Variants in CAMTA1 observed in about 807,000 individuals in gnomAD.
CAMTA1 encodes the protein calmodulin binding transcription activator 1, also known as calmodulin-binding transcription activator 1.
Under a neutral mutation model 170.9 loss-of-function variants are expected in CAMTA1, and 27 were observed. The ratio of observed to expected loss-of-function variants is 0.16; its 90% CI spans 0.12 to 0.22. CAMTA1 has a LOEUF of 0.22. Among genes scored for constraint, CAMTA1 ranks in the 10% least tolerant of loss-of-function variants. CAMTA1 has a pLI of 1.00. For synonymous variants in CAMTA1, 833 were observed against 891.5 expected (o/e 0.93, Z 1.17); for missense variants, 1,619 against 2,217.2 (o/e 0.73, Z 5.42).
chr1:7,541,776 T>C (rs11120964), intron 6 of CAMTA1, among the ~76,000 whole-genome samples: 59,638 of 152,006 alleles, frequency 0.39, 11,796 homozygotes, highest in African/African-American at 0.42. Flanking sequence ...ACCAGGGTGG[T>C]CACCCACAGG....
intron 6 of CAMTA1, among the ~76,000 whole-genome samples, chr1:7,531,420 C>T (rs2094491395): frequency 6.6e-6 from 1 of 152,298 alleles, no homozygotes; most frequent in South Asian, 2.1e-4. Flanking sequence ...CTGCTGAGTG[C>T]TTTGCCAGGC....
intron 11 of CAMTA1, among the ~76,000 whole-genome samples, chr1:7,710,725 C>A (rs1049742891): frequency 6.6e-6 from 1 of 151,932 alleles, no homozygotes; most frequent in African/African-American, 2.4e-5. Context: ...TGCCCCCACC[C>A]CACTCTCCTC....
rs549419840 is a variant in CAMTA1 at position 7,192,953 on chromosome 1, G to A, written c.303-56538G>A. Among the ~76,000 whole-genome samples the A allele has an allele frequency of 2.0e-5, 3 of 152,292 alleles. No homozygotes were observed. In the East Asian group the frequency reaches 5.8e-4, roughly 29 times the overall value. ...TCACTCCTTGGCTTCATTATGCAGAGAGCTTGTAGCCAGGTGGCACTGGGC... is the reference window on the plus strand; with the variant it reads ...TCACTCCTTGGCTTCATTATGCAGAAAGCTTGTAGCCAGGTGGCACTGGGC... On this transcript the variant is annotated intron_variant, in intron 4 of 22. Coordinates refer to ENST00000303635, the MANE Select transcript of CAMTA1 (RefSeq NM_015215.4).
intron 6 of CAMTA1, among the ~76,000 whole-genome samples, chr1:7,614,625 A>T (rs79257815): frequency 1.3e-5 from 2 of 152,062 alleles, no homozygotes; most frequent in Non-Finnish European, 2.9e-5. Context: ...CTCACTTGGG[A>T]ATGTTTATGG....
intron 1 of CAMTA1, chr1:6,807,127 C>A: frequency 5.6e-6 from 3 of 533,616 alleles, no homozygotes; most frequent in South Asian, 5.1e-5. Flanking sequence ...GACTAATCTG[C>A]AAGGTTGGGG....
Position 6,971,123 on chromosome 1 carries a change from C to A in CAMTA1, c.235-120181C>A, listed in dbSNP as rs1279908742. On this transcript the variant is annotated intron_variant, in intron 3 of 22. Coordinates refer to ENST00000303635, the MANE Select transcript of CAMTA1 (RefSeq NM_015215.4). The surrounding 1 kb of genome is among the most constrained non-coding windows in gnomAD (Gnocchi z 4.6). ...TTGTGGTCCTAGGAGTGTCAGTGAG[C>A]ACAAAGCAGACACAGAAGAAACCTT... Among the ~76,000 whole-genome samples, 1 of 152,162 alleles carries A rather than the reference C, an allele frequency of 6.6e-6. No homozygotes were observed. Among genetic ancestry groups the A allele is most frequent in the Admixed American group, 6.5e-5 (1 of 15,280 alleles).
At chr1:7,128,805 C>T (rs1365060439) in intron 4 of CAMTA1, among the ~76,000 whole-genome samples, 1 of 147,402 alleles carries the variant, frequency 6.8e-6, no homozygotes, top group Non-Finnish European at 1.5e-5. Flanking sequence ...CAGGCGTGTG[C>T]CACCACACCC....
chr1:6,999,438 C>G (rs141520948), intron 3 of CAMTA1, among the ~76,000 whole-genome samples: 1 of 152,258 alleles, frequency 6.6e-6, no homozygotes, highest in South Asian at 2.1e-4. Context: ...GGCTGGAGTG[C>G]GGTGGTGCCA....
At chr1:6,924,316 G>A (rs1682644671) in intron 3 of CAMTA1, among the ~76,000 whole-genome samples, 1 of 149,320 alleles carries the variant, frequency 6.7e-6, no homozygotes, top group African/African-American at 2.4e-5. Flanking sequence ...GCTGGGAGGG[G>A]ATCAGGCCAG....
chr1:7,751,190 C>T lies in CAMTA1; in HGVS notation c.4690-9C>T. ...GTTACTGTGTCGCTTGTTCTTGTTT[C>T]CCCTGCAGTACGCACTTTATAAAAA... is the stretch of plus-strand genomic sequence containing the variant. On this transcript the variant is annotated splice_polypyrimidine_tract_variant and intron_variant, in intron 19 of 22. Coordinates refer to ENST00000303635, the MANE Select transcript of CAMTA1 (RefSeq NM_015215.4). 1 of 1,563,916 alleles carries T rather than the reference C, an allele frequency of 6.4e-7. No individual in the cohort carries two copies.
At chr1:6,927,467 A>G (rs1485149576) in intron 3 of CAMTA1, among the ~76,000 whole-genome samples, 1 of 152,262 alleles carries the variant, frequency 6.6e-6, no homozygotes, top group Non-Finnish European at 1.5e-5. Flanking sequence ...TATAATGCAC[A>G]TAATTTTAAA....
chr1:7,595,114 G>T (rs1272000901), intron 6 of CAMTA1, among the ~76,000 whole-genome samples: 1 of 152,182 alleles, frequency 6.6e-6, no homozygotes, highest in African/African-American at 2.4e-5. Context: ...CTAAGAAGAG[G>T]GGTCTTTCAG....
chr1:7,023,293 T>C (rs1701618423), intron 3 of CAMTA1, among the ~76,000 whole-genome samples: 1 of 152,256 alleles, frequency 6.6e-6, no homozygotes, highest in African/African-American at 2.4e-5. Flanking sequence ...CTGTGTCAGA[T>C]GTAAGCGTAA....
At position 7,091,090 on chromosome 1, in the gene CAMTA1, C is replaced by G. The variant is rs55942819; in HGVS notation, c.235-214C>G. Among the ~76,000 whole-genome samples, 1,095 of 152,062 alleles carry G rather than the reference C, an allele frequency of 7.2e-3. 8 individuals carry two copies. The highest frequency in any genetic ancestry group is 9.1e-3 in the Non-Finnish European group (620 of 67,984). On this transcript the variant is annotated intron_variant, in intron 3 of 22. Transcript: ENST00000303635. Reference sequence around the variant, plus strand: ...TTGCCACCGACTCATCTTTTGAGGCCCAGTGCTTTGATTACTACCGTGTGA... The same window carrying G: ...TTGCCACCGACTCATCTTTTGAGGCGCAGTGCTTTGATTACTACCGTGTGA...
rs745494454 is a variant in CAMTA1, at chr1:7,664,881, C to T, written c.2334C>T (p.Asn778=). ...SFSNQFSDLI[N]DFISVEGGSS... ...GCAACCAGTTCTCCGACCTGATCAACGACTTCATCTCCGTGGAGGGGGGCA... is the reference window on the plus strand; with the variant it reads ...GCAACCAGTTCTCCGACCTGATCAATGACTTCATCTCCGTGGAGGGGGGCA... Residue 778 remains asparagine (N), a synonymous_variant, in exon 9 of 23, where the codon AAC becomes AAT. Coordinates refer to ENST00000303635, the MANE Select transcript of CAMTA1 (RefSeq NM_015215.4). 10 of 1,613,238 alleles carry T rather than the reference C, an allele frequency of 6.2e-6. No homozygotes were observed. The highest frequency in any genetic ancestry group is 3.3e-5 in the South Asian group (3 of 91,086).
Position 7,170,681 on chromosome 1 carries a change from A to G in CAMTA1, c.303-78810A>G, listed in dbSNP as rs532918112. 2.0e-5 allele frequency among the ~76,000 whole-genome samples: 3 copies of G among 152,286 alleles called. No homozygotes were observed. The East Asian group carries it at 5.8e-4, about 29-fold the overall frequency. ...ATGGCTGCGTAGTATTCCATGGTGTATATGTGCCACATTTTCTTTATCCAG... is the reference window on the plus strand; with the variant it reads ...ATGGCTGCGTAGTATTCCATGGTGTGTATGTGCCACATTTTCTTTATCCAG... On this transcript the variant is annotated intron_variant, in intron 4 of 22. Coordinates refer to ENST00000303635, the MANE Select transcript of CAMTA1 (RefSeq NM_015215.4).
At chr1:7,454,672 C>G (rs78343895) in intron 5 of CAMTA1, among the ~76,000 whole-genome samples, 6 of 152,092 alleles carry the variant, frequency 3.9e-5, no homozygotes, top group African/African-American at 9.7e-5. Flanking sequence ...CCTCTACCCC[C>G]GCTTCGTCCT....
chr1:6,991,652 A>G (rs557967469), intron 3 of CAMTA1, among the ~76,000 whole-genome samples: 1 of 152,094 alleles, frequency 6.6e-6, no homozygotes, highest in Non-Finnish European at 1.5e-5. Context: ...ATTTTCTCTT[A>G]GAATGTGGCC....
intron 9 of CAMTA1, 113 bp from the exon 10 acceptor site, chr1:7,670,797 TG>T: frequency 1.7e-6 from 2 of 1,193,246 alleles, no homozygotes; most frequent in Non-Finnish European, 1.2e-6. Context: ...GGAATCTGCA[TG>T]GGGCGAGGGG....
Sources: gnomAD v4.1 joint callset for allele counts (sites outside exome capture counted in the v4.1 genomes callset) on GRCh38, gnomAD v4.1.1 for gene constraint, Gnocchi (gnomAD v3.1) non-coding constraint, MANE v1.5 for transcripts, NCBI Gene and HGNC (gene_info 2026-07-23, HGNC 2026-07-21) for gene names.